Variants in SPTB observed in about 807,000 individuals in gnomAD.
SPTB encodes spectrin beta, erythrocytic.
Under a neutral mutation model 256.2 loss-of-function variants are expected in SPTB, and 45 were observed. That is an observed-to-expected ratio of 0.18 (90% CI 0.14 to 0.23). SPTB has a LOEUF of 0.23. Ranked by LOEUF, SPTB falls within the 10% of genes least tolerant of loss-of-function variation. SPTB has a pLI of 1.00. For missense variants in SPTB, 2,715 were observed against 3,040.4 expected, an observed-to-expected ratio of 0.89 and a Z score of 2.52; for synonymous variants, 1,231 against 1,243.1, an observed-to-expected ratio of 0.99 and a Z score of 0.21.
chr14:64,831,985 G>A (rs1348169236), intron 1 of SPTB, among the ~76,000 whole-genome samples: 2 of 152,084 alleles, frequency 1.3e-5, no homozygotes, highest in African/African-American at 4.8e-5. Flanking sequence ...TGGAGTGAAG[G>A]GAATAGAAAA....
rs1594744872 is a variant in SPTB at position 64,759,393 on chromosome 14, A to G, written c.6346-5600T>C. 6.6e-6 allele frequency among the ~76,000 whole-genome samples: 1 copy of G among 152,222 alleles called. No homozygotes were observed. The highest frequency in any genetic ancestry group is 2.4e-5 in the African/African-American group (1 of 41,452). ...AAGGACCTCCCAGCTCACCAGCTGA[A>G]CCATCCACCCATGCCAACCGTGGGC... On this transcript the variant is annotated intron_variant, in intron 32 of 35. Coordinates refer to ENST00000644917, the MANE Select transcript of SPTB (RefSeq NM_001355436.2). This position sits in a 1 kb window ranked among gnomAD's most constrained non-coding sequence, Gnocchi z 4.8.
At chr14:64,870,026 T>C (rs182308175) in intron 1 of SPTB, among the ~76,000 whole-genome samples, 14 of 152,194 alleles carry the variant, frequency 9.2e-5, no homozygotes, top group African/African-American at 3.4e-4. Flanking sequence ...TTTTTAAGCA[T>C]GAGACTCAGT....
rs368833188 is a variant in SPTB, at chr14:64,784,359, G to T, written c.3890C>A (p.Ser1297Tyr). ...TLWINDKLLT[S>Y]QDVSYDEARN... is the part of the protein sequence containing the mutation. ...TGCTTCATCATAGGAGACATCCTGA[G>T]ATGTCAGCAGCTTGTCGTTGATCCA... Residue 1297 changes from serine (S) to tyrosine (Y), a missense_variant, in exon 19 of 36, where the codon TCT (serine) becomes TAT (tyrosine). Transcript: ENST00000644917. The T allele has an allele frequency of 1.9e-6, 3 of 1,614,152 alleles. No individual in the cohort carries two copies. Among genetic ancestry groups the T allele is most frequent in the Non-Finnish European group, 2.5e-6 (3 of 1,180,060 alleles).
In SPTB at chr14:64,779,340, T is replaced by G. The variant is rs2082422775; in HGVS notation, c.4474-94A>C. ...GGGCGGCGCAGAGCTTTGCTGGCAG[T>G]GTCTCCCCAGTTCCTCCCAACACCC... On this transcript the variant is annotated intron_variant, in intron 21 of 35. Transcript: ENST00000644917. This position sits in a 1 kb window ranked among gnomAD's most constrained non-coding sequence, Gnocchi z 4.2. The G allele has an allele frequency of 1.4e-5, 14 of 1,029,282 alleles. No homozygotes were observed. The South Asian group carries it at 1.9e-4, about 14-fold the overall frequency. 63.8% of individuals were successfully genotyped at this position (1,029,282 alleles called of 1,614,324 possible). A position where few individuals can be genotyped will look rare whatever the true frequency, so the allele number is the denominator to read the frequency against.
chr14:64,846,063 C>T (rs897570707), intron 1 of SPTB, among the ~76,000 whole-genome samples: 1 of 152,234 alleles, frequency 6.6e-6, no homozygotes, highest in African/African-American at 2.4e-5. Flanking sequence ...AGCTACATTC[C>T]TGTATCACCC....
intron 32 of SPTB, chr14:64,763,844 T>C (rs1448747340): frequency 5.8e-6 from 3 of 518,890 alleles, no homozygotes; most frequent in South Asian, 1.4e-5. Flanking sequence ...CGTGCAGTGA[T>C]GTGCTTGAGA....
At chr14:64,839,387 A>G (rs1255081074) in intron 1 of SPTB, among the ~76,000 whole-genome samples, 2 of 152,214 alleles carry the variant, frequency 1.3e-5, no homozygotes, top group African/African-American at 4.8e-5. Flanking sequence ...AACTATAGGG[A>G]CAGGAAATAA....
At chr14:64,815,909 C>A (rs1351260708) in intron 2 of SPTB, among the ~76,000 whole-genome samples, 1 of 152,160 alleles carries the variant, frequency 6.6e-6, no homozygotes, top group African/African-American at 2.4e-5. Flanking sequence ...GTGACTTGAT[C>A]GAGGTCCCCT....
chr14:64,799,658 A>G, intron 9 of SPTB, 89 bp downstream of exon 9: 1 of 1,485,466 alleles, frequency 6.7e-7, no homozygotes, highest in Middle Eastern at 2.3e-4. Flanking sequence ...TTGTGGACAC[A>G]CTTCATAAGG....
intron 2 of SPTB, among the ~76,000 whole-genome samples, chr14:64,811,019 G>A (rs1292061232): frequency 6.6e-6 from 1 of 152,008 alleles, no homozygotes; most frequent in African/African-American, 2.4e-5. Flanking sequence ...AGGAGGCTGA[G>A]GTAGGAGGAT....
rs904079435 is a variant in SPTB at position 64,778,495 on chromosome 14, A to G, written c.4563+662T>C. The stretch of plus-strand genomic sequence containing the variant: ...GACCCCACACAGCCAGCTTCCTTAC[A>G]TGATTCAGGCTCCCACTGCAGCCCT... On this transcript the variant is annotated intron_variant, in intron 22 of 35. Coordinates refer to ENST00000644917, the MANE Select transcript of SPTB (RefSeq NM_001355436.2). This position sits in a 1 kb window ranked among gnomAD's most constrained non-coding sequence, Gnocchi z 5.2. Among the ~76,000 whole-genome samples the G allele has an allele frequency of 1.3e-5, 2 of 152,140 alleles. No individual in the cohort carries two copies. Among genetic ancestry groups the G allele is most frequent in the African/African-American group, 4.8e-5 (2 of 41,428 alleles).
intron 2 of SPTB, among the ~76,000 whole-genome samples, chr14:64,820,911 C>T (rs575636126): frequency 6.6e-6 from 1 of 152,026 alleles, no homozygotes; most frequent in Non-Finnish European, 1.5e-5. Context: ...CTCCTGGTCT[C>T]AAGCCATACA....
intron 32 of SPTB, 102 bp from the exon 33 acceptor site, chr14:64,753,895 C>A: frequency 6.7e-7 from 1 of 1,482,274 alleles, no homozygotes; most frequent in Non-Finnish European, 9.2e-7. Context: ...TCTCCACACC[C>A]CCAAGCCTAC....
At chr14:64,769,221 G>A in intron 28 of SPTB, 103 bp from the exon 29 acceptor site, 1 of 1,164,794 alleles carries the variant, frequency 8.6e-7, no homozygotes, top group Non-Finnish European at 1.3e-6. Flanking sequence ...TGGTCCTACA[G>A]CCCTGGCTTC....
At position 64,759,504 on chromosome 14, in the gene SPTB, G is replaced by A. The variant is rs1010200823; in HGVS notation, c.6346-5711C>T. On this transcript the variant is annotated intron_variant, in intron 32 of 35. Transcript: ENST00000644917. The surrounding 1 kb of genome is among the most constrained non-coding windows in gnomAD (Gnocchi z 4.8). The stretch of plus-strand genomic sequence containing the variant: ...TAATAAGAGGGGATGAGGGGAGGCT[G>A]CCCCCCTGTAAGCAGGCCATGGTCT... 1.4e-4 allele frequency among the ~76,000 whole-genome samples: 21 copies of A among 152,224 alleles called. No individual in the cohort carries two copies. The highest frequency in any genetic ancestry group is 3.9e-4 in the African/African-American group (16 of 41,446).
chr14:64,855,712 AAAAT>A (rs1160125942), intron 1 of SPTB, among the ~76,000 whole-genome samples: 2 of 152,348 alleles, frequency 1.3e-5, no homozygotes, highest in South Asian at 2.1e-4. Flanking sequence ...AAATTCATGA[AAAAT>A]AAATATACAG....
chr14:64,784,225 G>A (rs373356073), intron 19 of SPTB, 22 bp downstream of exon 19: 28 of 1,613,936 alleles, frequency 1.7e-5, no homozygotes, highest in Admixed American at 5.0e-5. Context: ...GCACCCACCC[G>A]CCGCCCAATC....
Position 64,793,566 on chromosome 14 carries a change from C to G in SPTB, c.2097G>C (p.Glu699Asp). The G allele has an allele frequency of 6.2e-7, 1 of 1,614,188 alleles. No homozygotes were observed. Among genetic ancestry groups the G allele is most frequent in the African/African-American group, 1.3e-5 (1 of 75,054 alleles). ...LDAHLEQIFQ[E>D]AHGMVARKQF... Reference sequence around the variant, plus strand: ...GCTTGCGCGCAACCATGCCATGAGCCTCCTGGAAGATCTGCTCCAGGTGAG... The same window carrying G: ...GCTTGCGCGCAACCATGCCATGAGCGTCCTGGAAGATCTGCTCCAGGTGAG... Residue 699 changes from glutamate (E) to aspartate (D), a missense_variant, in exon 14 of 36, where the codon GAG becomes GAC. This residue lies in a region of SPTB where 2,239 missense variants were observed against 2,384.4 expected (regional missense o/e 0.94). Transcript: ENST00000644917. This position sits in a 1 kb window ranked among gnomAD's most constrained non-coding sequence, Gnocchi z 7.0.
intron 1 of SPTB, among the ~76,000 whole-genome samples, chr14:64,872,872 G>T (rs1292822140): frequency 6.6e-6 from 1 of 152,212 alleles, no homozygotes; most frequent in African/African-American, 2.4e-5. Context: ...CTGCCACCAT[G>T]TATGACATGC....
Sources: allele counts gnomAD v4.1 joint callset (sites outside exome capture counted in the v4.1 genomes callset), GRCh38; gene constraint gnomAD v4.1.1; regional missense constraint gnomAD v4.1.1; non-coding constraint Gnocchi (gnomAD v3.1); transcripts MANE v1.5; gene names NCBI Gene and HGNC (gene_info 2026-07-23, HGNC 2026-07-21).